The following ABCA9 variants were observed in gnomAD, a reference collection of about 807,000 sequenced individuals.
ABCA9 encodes the protein ATP-binding cassette sub-family A member 9.
A neutral mutation model predicts 205.3 loss-of-function variants in ABCA9; 183 were observed. That is an observed-to-expected ratio of 0.89 (90% CI 0.79 to 1.01). The LOEUF (loss-of-function observed/expected upper bound fraction) is 1.01, where lower values mean the gene tolerates loss of function less well. Among genes scored for constraint, ABCA9 ranks in the 50% least tolerant of loss-of-function variants. The pLI, the probability that ABCA9 is intolerant of heterozygous loss-of-function variation, is 0.00. For missense variants in ABCA9, 1,805 were observed against 1,912.4 expected (o/e 0.94, Z 1.05); for synonymous variants, 651 against 683.3 (o/e 0.95, Z 0.74).
Position 68,986,225 on chromosome 17 carries a change from G to C in ABCA9, c.4147C>G (p.Leu1383Val). ...CCTTTCACGGCAGCGTACACCTCCA[G>C]GTGCTGCCTCACTGTCAGGTTGGGC... ...LWPNLTVRQH[L>V]EVYAAVKGLR... Residue 1383 changes from leucine (L) to valine (V), a missense_variant, in exon 32 of 39, where the codon CTG (leucine) becomes GTG (valine). By Grantham distance (32) the Leu-to-Val change is conservative. Coordinates refer to ENST00000340001, the MANE Select transcript of ABCA9 (RefSeq NM_080283.4). The C allele has an allele frequency of 6.2e-7, 1 of 1,613,920 alleles. No individual in the cohort carries two copies.
Position 68,989,073 on chromosome 17 carries a change from G to T in ABCA9, c.4001C>A (p.Thr1334Lys). The change falls in exon 31 of 39, where the codon ACA (threonine) becomes AAA (lysine). Residue 1334 changes from threonine to lysine, a missense_variant. Coordinates refer to ENST00000340001, the MANE Select transcript of ABCA9 (RefSeq NM_080283.4). ...LLGHNGAGKSTTIKMITGDTK... is the reference protein window; with the variant it reads ...LLGHNGAGKSKTIKMITGDTK... ...GTCTCCAGTTATCATCTTAATAGTT[G>T]TACTTTTACCAGCTCCATTGTGTCC... The T allele has an allele frequency of 1.2e-6, 2 of 1,613,304 alleles. No individual in the cohort carries two copies. Among genetic ancestry groups the T allele is most frequent in the Non-Finnish European group, 8.5e-7 (1 of 1,179,440 alleles).
rs184171117 is a variant in ABCA9 at position 69,051,513 on chromosome 17, A to C, written c.-13-374T>G. The C allele has an allele frequency of 2.9e-5, 6 of 209,496 alleles. No individual in the cohort carries two copies. In the East Asian group the frequency reaches 7.0e-4, roughly 24 times the overall value. 13.0% of individuals were successfully genotyped at this position (209,496 alleles called of 1,614,324 possible). The stretch of plus-strand genomic sequence containing the variant: ...CAGTCACATGGGTGATTCATTACTA[A>C]TTCATTACTACTTAGCAATATCCTA... On this transcript the variant is annotated intron_variant, in intron 1 of 38. Coordinates refer to ENST00000340001, the MANE Select transcript of ABCA9 (RefSeq NM_080283.4).
intron 9 of ABCA9, chr17:69,032,867 A>T (rs2071199714): frequency 6.6e-6 from 1 of 152,302 alleles, no homozygotes. Flanking sequence ...CAGAAACGTG[A>T]TGAATAAACT....
intron 28 of ABCA9, 73 bp from the exon 29 acceptor site, chr17:68,991,030 T>C: frequency 1.3e-6 from 2 of 1,527,138 alleles, no homozygotes; most frequent in South Asian, 1.2e-5. Flanking sequence ...GAATTTTCTC[T>C]ATACTTCCAA....
chr17:69,037,795 G>T (rs868190934), intron 6 of ABCA9, among the ~76,000 whole-genome samples: 7 of 151,756 alleles, frequency 4.6e-5, no homozygotes, highest in African/African-American at 1.4e-4. Context: ...TTTTTTAAAA[G>T]ATTAACAAAA....
rs1046382501 is a variant in ABCA9 at position 69,024,128 on chromosome 17, A to G, written c.2281+86T>C. On this transcript the variant is annotated intron_variant, in intron 17 of 38. Coordinates refer to ENST00000340001, the MANE Select transcript of ABCA9 (RefSeq NM_080283.4). ...GCATTGTGCCATTCATCTAGCAAGCATTAAAACTAGCCATCATTCTTATCA... is the reference window on the plus strand; with the variant it reads ...GCATTGTGCCATTCATCTAGCAAGCGTTAAAACTAGCCATCATTCTTATCA... 18 of 1,440,280 alleles carry G rather than the reference A, an allele frequency of 1.2e-5. No homozygotes were observed. The African/African-American group carries it at 2.0e-4, about 16-fold the overall frequency. The allele number at this position is 1,440,280 out of a possible 1,614,324, so 89.2% of individuals were successfully genotyped here.
intron 1 of ABCA9, among the ~76,000 whole-genome samples, chr17:69,051,354 C>T (rs150424501): frequency 1.2e-3 from 176 of 152,302 alleles, no homozygotes; most frequent in African/African-American, 4.0e-3. Context: ...TATTATTTCT[C>T]CATCATTGGA....
In ABCA9 at chr17:69,007,861, A is replaced by G. The variant is rs2070205862; in HGVS notation, c.3333T>C (p.Ser1111=). The change falls in exon 25 of 39, where the codon AGT becomes AGC. Residue 1111 remains serine, a synonymous_variant. Transcript: ENST00000340001. ...AAACAAGAGATGAGACATAGCCAAT[A>G]CTACACAGGATCTGAAAACAGAAAT... ...IQNLLIQILC[S]IGYVSSLVFL... is the part of the protein sequence containing the mutation. 1 of 1,595,108 alleles carries G rather than the reference A, an allele frequency of 6.3e-7. No individual in the cohort carries two copies. Among genetic ancestry groups the G allele is most frequent in the Admixed American group, 1.7e-5 (1 of 59,470 alleles).
the ABCA9 span, among the ~76,000 whole-genome samples, chr17:69,071,911 G>A: frequency 6.6e-6 from 1 of 152,280 alleles, no homozygotes; most frequent in African/African-American, 2.4e-5. Flanking sequence ...ATGACCTGAT[G>A]AAGCTGAAAA....
chr17:68,976,353 C>T (rs1335942435), intron 37 of ABCA9, among the ~76,000 whole-genome samples, 163 bp from the exon 38 acceptor site: 1 of 152,054 alleles, frequency 6.6e-6, no homozygotes, highest in African/African-American at 2.4e-5. Context: ...AGTCATATAA[C>T]AGGAGGAAAC....
At chr17:69,061,207 A>G, upstream of ABCA9, 1 of 966,064 alleles carries the variant, frequency 1.0e-6, no homozygotes, top group Non-Finnish European at 1.2e-6. Context: ...GCCTTTCTCA[A>G]TCGGTCTTTT....
At chr17:69,015,298 G>A (rs1292321961) in intron 22 of ABCA9, among the ~76,000 whole-genome samples, 2 of 152,144 alleles carry the variant, frequency 1.3e-5, no homozygotes, top group Non-Finnish European at 2.9e-5. Flanking sequence ...GCACTAGAAT[G>A]ATCCTTCATA....
chr17:69,018,154 G>C (rs1197971849), intron 20 of ABCA9: 1 of 394,370 alleles, frequency 2.5e-6, no homozygotes, highest in Non-Finnish European at 4.4e-6. Context: ...CCTCAGAGGT[G>C]AGTCAATGAT....
At chr17:69,004,993 G>A (rs1029060061) in intron 25 of ABCA9, among the ~76,000 whole-genome samples, 7 of 152,130 alleles carry the variant, frequency 4.6e-5, no homozygotes, top group Non-Finnish European at 8.8e-5. Flanking sequence ...TGCATGGTGC[G>A]CGCACCCACT....
At chr17:69,037,975 A>T (rs2364311) in intron 6 of ABCA9, among the ~76,000 whole-genome samples, 2 of 152,052 alleles carry the variant, frequency 1.3e-5, no homozygotes, top group African/African-American at 4.8e-5. Flanking sequence ...TAGAAGAAAT[A>T]GATAAATTCC....
At chr17:69,066,461 A>T in the ABCA9 span, among the ~76,000 whole-genome samples, 1 of 152,278 alleles carries the variant, frequency 6.6e-6, no homozygotes, top group African/African-American at 2.4e-5. Flanking sequence ...TTTGTCAAGA[A>T]AAGGTTGTTA....
the ABCA9 span, among the ~76,000 whole-genome samples, chr17:69,076,211 G>A: frequency 6.6e-6 from 1 of 152,182 alleles, no homozygotes; most frequent in African/African-American, 2.4e-5. Context: ...CTATTTTGTT[G>A]AGGGTTTTTA....
Position 69,049,519 on chromosome 17 carries a change from A to G in ABCA9, c.97-29T>C. Reference sequence around the variant, plus strand: ...TATAGCAATAAGAGAAAAAGGAAACAAACTGGTAGATGTTATACCACAGAT... The same window carrying G: ...TATAGCAATAAGAGAAAAAGGAAACGAACTGGTAGATGTTATACCACAGAT... On this transcript the variant is annotated intron_variant, in intron 2 of 38. Transcript: ENST00000340001. 1.3e-6 allele frequency: 2 copies of G among 1,536,536 alleles called. 1 individual carries two copies. Among genetic ancestry groups the G allele is most frequent in the South Asian group, 2.3e-5 (2 of 86,166 alleles).
intron 6 of ABCA9, among the ~76,000 whole-genome samples, chr17:69,038,777 GTC>G (rs1307414938): frequency 1.3e-5 from 2 of 152,138 alleles, no homozygotes; most frequent in Non-Finnish European, 2.9e-5. Flanking sequence ...AAGTCAAATT[GTC>G]TCTGTTTGCA....
Sources: allele counts gnomAD v4.1 joint callset (sites outside exome capture counted in the v4.1 genomes callset), GRCh38; gene constraint gnomAD v4.1.1; transcripts MANE v1.5; gene names NCBI Gene and HGNC (gene_info 2026-07-23, HGNC 2026-07-21).